EFHC2: variants seen among roughly 807,000 people sequenced by gnomAD.
EFHC2 encodes the protein EF-hand domain-containing family member C2.
EFHC2 carries 18 observed loss-of-function variants against 52.7 expected under a neutral mutation model. The ratio of observed to expected loss-of-function variants is 0.34; its 90% CI spans 0.24 to 0.51. The LOEUF is 0.51. EFHC2 is among the 20% of genes least tolerant of loss of function. The pLI, the probability that EFHC2 is intolerant of heterozygous loss-of-function variation, is 0.97. For synonymous variants in EFHC2, 203 were observed against 204.1 expected (o/e 0.99, Z 0.04); for missense variants, 513 against 562.5 (o/e 0.91, Z 0.89).
Position 44,178,544 on chromosome X carries a change from G to A in EFHC2, c.1772C>T (p.Thr591Ile). The change falls in exon 12 of 15, where the codon ACT (threonine) becomes ATT (isoleucine). Residue 591 changes from threonine to isoleucine, a missense_variant. Thr to Ile is a moderately conservative substitution (Grantham distance 89). Transcript: ENST00000420999. ...NTFRDILMSLTVGNLAEQEFV... is the reference protein window; with the variant it reads ...NTFRDILMSLIVGNLAEQEFV... ...TTCTTGCTCTGCAAGGTTTCCAACA[G>A]TCAAAGACATCAATATGTCTCTGTA... 4 of 1,194,039 alleles carry A rather than the reference G, an allele frequency of 3.3e-6. No homozygotes were observed. The highest frequency in any genetic ancestry group is 4.5e-6 in the Non-Finnish European group (4 of 889,156).
intron 11 of EFHC2, among the ~76,000 whole-genome samples, chrX:44,209,874 G>A (rs1425552419): frequency 5.4e-5 from 6 of 110,125 alleles, no homozygotes; most frequent in Non-Finnish European, 9.5e-5. Flanking sequence ...CGTGAACTGT[G>A]CATGCGAGGG....
chrX:44,309,576 T>G, intron 2 of EFHC2: 1 of 1,165,956 alleles, frequency 8.6e-7, no homozygotes, highest in Non-Finnish European at 1.2e-6. Flanking sequence ...TGAGGAATTC[T>G]TGTTCTATCT....
intron 2 of EFHC2, among the ~76,000 whole-genome samples, chrX:44,278,474 G>A (rs1000148406): frequency 8.9e-6 from 1 of 112,148 alleles, no homozygotes; most frequent in Admixed American, 9.4e-5. Flanking sequence ...TACTGATGGG[G>A]TTCAGGACAT....
chrX:44,278,329 T>A (rs2037676144), intron 2 of EFHC2, among the ~76,000 whole-genome samples: 1 of 112,051 alleles, frequency 8.9e-6, no homozygotes, highest in Non-Finnish European at 1.9e-5. Context: ...GAGCCAAGAT[T>A]ACGCCACTGC....
chrX:44,169,408 T>C (rs1181362413), intron 13 of EFHC2, among the ~76,000 whole-genome samples: 1 of 111,052 alleles, frequency 9.0e-6, no homozygotes. Flanking sequence ...ACTGGGTAAC[T>C]GCGACTACAG....
chrX:44,252,167 T>A (rs2037456582), intron 4 of EFHC2, among the ~76,000 whole-genome samples: 1 of 111,645 alleles, frequency 9.0e-6, no homozygotes, highest in Non-Finnish European at 1.9e-5. Context: ...CTGTCCTCTG[T>A]CCCAGGAACC....
chrX:44,305,679 G>C (rs2037900385), intron 2 of EFHC2, among the ~76,000 whole-genome samples: 1 of 111,734 alleles, frequency 8.9e-6, no homozygotes, highest in African/African-American at 3.3e-5. Flanking sequence ...TACCTTGCTA[G>C]GTTGAGAATC....
At chrX:44,192,439 T>C (rs1318572521) in intron 11 of EFHC2, among the ~76,000 whole-genome samples, 1 of 111,865 alleles carries the variant, frequency 8.9e-6, no homozygotes, top group Non-Finnish European at 1.9e-5. Context: ...AAGTTTGCTT[T>C]GATTCTTATA....
intron 2 of EFHC2, among the ~76,000 whole-genome samples, chrX:44,278,331 C>T (rs907774792): frequency 8.9e-6 from 1 of 112,038 alleles, no homozygotes; most frequent in African/African-American, 3.2e-5. Flanking sequence ...GCCAAGATTA[C>T]GCCACTGCAC....
Position 44,148,746 on chromosome X carries a change from G to A in EFHC2, c.*49C>T, listed in dbSNP as rs765759198. On this transcript the variant is annotated 3_prime_UTR_variant, in exon 15 of 15. Coordinates refer to ENST00000420999, the MANE Select transcript of EFHC2 (RefSeq NM_025184.4). ...AAATTATATCTACTAAAGTAAATGTGGCAAAATGAGAGAAGTAAATCATAG... is the reference window on the plus strand; with the variant it reads ...AAATTATATCTACTAAAGTAAATGTAGCAAAATGAGAGAAGTAAATCATAG... The A allele has an allele frequency of 1.2e-4, 119 of 1,015,882 alleles. No homozygotes were observed. Among genetic ancestry groups the A allele is most frequent in the Non-Finnish European group, 1.5e-4 (112 of 752,080 alleles). The allele number at this position is 1,015,882 out of a possible 1,213,427, so 83.7% of individuals were successfully genotyped here.
At chrX:44,235,596 G>A in intron 8 of EFHC2, 149 bp from the exon 9 acceptor site, 1 of 531,808 alleles carries the variant, frequency 1.9e-6, no homozygotes, top group East Asian at 4.0e-5. Context: ...GTCTAATTAA[G>A]GTTCTAAATC....
chrX:44,206,168 A>C (rs142232495), intron 11 of EFHC2, among the ~76,000 whole-genome samples: 1 of 111,844 alleles, frequency 8.9e-6, no homozygotes, highest in African/African-American at 3.3e-5. Context: ...ATTTGAAACA[A>C]ATGAAAACAG....
intron 2 of EFHC2, among the ~76,000 whole-genome samples, chrX:44,288,137 A>C (rs1358677691): frequency 9.0e-6 from 1 of 111,610 alleles, no homozygotes; most frequent in East Asian, 2.8e-4. Context: ...GAAGAGTCAA[A>C]TATTTACAAA....
At chrX:44,286,573 C>A (rs1450890979) in intron 2 of EFHC2, among the ~76,000 whole-genome samples, 4 of 111,254 alleles carry the variant, frequency 3.6e-5, no homozygotes, top group African/African-American at 1.3e-4. Flanking sequence ...GTTTCCCAAT[C>A]TAAATCCCTG....
At chrX:44,326,581 T>C (rs1194471325) in intron 1 of EFHC2, among the ~76,000 whole-genome samples, 1 of 110,424 alleles carries the variant, frequency 9.1e-6, no homozygotes, top group Non-Finnish European at 1.9e-5. Context: ...GAAATGGAAA[T>C]AGCCAATAAA....
At chrX:44,248,483 A>T in intron 6 of EFHC2, 73 bp from the exon 7 acceptor site, 3 of 1,069,247 alleles carry the variant, frequency 2.8e-6, no homozygotes, top group Non-Finnish European at 3.7e-6. Context: ...TCCCAGAGAA[A>T]AAAAGGAAAT....
intron 2 of EFHC2, among the ~76,000 whole-genome samples, chrX:44,311,938 T>C (rs757828269): frequency 1.2e-4 from 13 of 112,486 alleles, no homozygotes; most frequent in Non-Finnish European, 2.3e-4. Flanking sequence ...TCTTAGTTTC[T>C]ATAGGACAGA....
intron 1 of EFHC2, among the ~76,000 whole-genome samples, chrX:44,323,719 G>A (rs1386020974): frequency 1.8e-5 from 2 of 111,672 alleles, no homozygotes; most frequent in Non-Finnish European, 1.9e-5. Context: ...TGAAATTCAA[G>A]AGCCCTCCAC....
chrX:44,200,903 A>G (rs773055130), intron 11 of EFHC2, among the ~76,000 whole-genome samples: 13 of 112,283 alleles, frequency 1.2e-4, no homozygotes, highest in Non-Finnish European at 1.7e-4. Context: ...GAGGCAAAAG[A>G]CAATAGAGTA....
Sources: gnomAD v4.1 joint callset for allele counts (sites outside exome capture counted in the v4.1 genomes callset) on GRCh38, gnomAD v4.1.1 for gene constraint, MANE v1.5 for transcripts, NCBI Gene and HGNC (gene_info 2026-07-23, HGNC 2026-07-21) for gene names.